The following USP24 variants were observed in gnomAD, a reference collection of about 807,000 sequenced individuals.
The protein encoded by USP24 is ubiquitin specific peptidase 24, also known as ubiquitin carboxyl-terminal hydrolase 24.
Under a neutral mutation model 361.6 loss-of-function variants are expected in USP24, and 97 were observed. That is an observed-to-expected ratio of 0.27 (90% CI 0.23 to 0.32). The LOEUF is 0.32. Ranked by LOEUF, USP24 falls within the 10% of genes least tolerant of loss-of-function variation. The probability of loss-of-function intolerance (pLI) is 1.00; values close to 1 mark genes in which losing one functional copy is unlikely to be tolerated. For synonymous variants in USP24, 1,098 were observed against 1,124.6 expected (o/e 0.98, Z 0.47); for missense variants, 2,353 against 3,165.6 (o/e 0.74, Z 6.16).
intron 1 of USP24, among the ~76,000 whole-genome samples, chr1:55,214,241 C>G (rs1238934233): frequency 6.6e-6 from 1 of 151,944 alleles, no homozygotes; most frequent in Non-Finnish European, 1.5e-5. Flanking sequence ...CAACCTCACT[C>G]CTAACCCCAA....
At chr1:55,195,815 T>C (rs1286858488) in intron 1 of USP24, among the ~76,000 whole-genome samples, 1 of 152,168 alleles carries the variant, frequency 6.6e-6, no homozygotes, top group Admixed American at 6.5e-5. Context: ...AAGGTTGTTG[T>C]TTAACAGGTA....
chr1:55,096,404 A>T, intron 50 of USP24, 94 bp downstream of exon 50: 1 of 1,072,680 alleles, frequency 9.3e-7, no homozygotes, highest in Non-Finnish European at 1.2e-6. Context: ...AAATAACAAA[A>T]TCTGTTGTGT....
Position 55,096,503 on chromosome 1 carries a change from T to C in USP24, c.6056A>G (p.Asp2019Gly). 6.3e-7 allele frequency: 1 copy of C among 1,575,802 alleles called. No individual in the cohort carries two copies. Among genetic ancestry groups the C allele is most frequent in the Non-Finnish European group, 8.6e-7 (1 of 1,165,220 alleles). The change falls in exon 50 of 68, where the codon GAT (aspartate) becomes GGT (glycine). Residue 2019 changes from aspartate (D) to glycine (G), a missense_variant. Asp to Gly is a moderately conservative substitution (Grantham distance 94). Transcript: ENST00000294383. ...ATCCATTTGTAAATACTTACTTTGA[T>C]CATAAACTTTTGGTCTATATTCTCC... ...FGGEYRPKVY[D>G]QTNPYTDVRR...
intron 47 of USP24, 32 bp from the exon 48 acceptor site, chr1:55,097,749 C>T: frequency 6.6e-7 from 1 of 1,522,446 alleles, no homozygotes; most frequent in Non-Finnish European, 8.8e-7. Flanking sequence ...AAGAGCAAAT[C>T]TGAATGATCT....
At chr1:55,130,390 T>C (rs1393350518) in intron 31 of USP24, among the ~76,000 whole-genome samples, 1 of 152,200 alleles carries the variant, frequency 6.6e-6, no homozygotes, top group Non-Finnish European at 1.5e-5. Context: ...AGGTGCTTAG[T>C]ATAAGCATCA....
At chr1:55,141,047 GT>G (rs747826321) in intron 24 of USP24, among the ~76,000 whole-genome samples, 32 of 152,082 alleles carry the variant, frequency 2.1e-4, no homozygotes, top group Non-Finnish European at 4.4e-4. Context: ...TGGGGATAAA[GT>G]TCTCACTAAA....
chr1:55,111,339 T>C (rs936773435), intron 38 of USP24, among the ~76,000 whole-genome samples: 72 of 152,222 alleles, frequency 4.7e-4, no homozygotes, highest in African/African-American at 1.6e-3. Flanking sequence ...ATGTTAAAAC[T>C]CTCGTCTAAT....
intron 7 of USP24, among the ~76,000 whole-genome samples, chr1:55,164,801 T>TA (rs1397594961): frequency 6.6e-6 from 1 of 151,932 alleles, no homozygotes; most frequent in Non-Finnish European, 1.5e-5. Context: ...GAGTGCTCTG[T>TA]ATTTTTTTTT....
At chr1:55,079,007 C>A (rs922456653) in intron 60 of USP24, among the ~76,000 whole-genome samples, 21 of 138,806 alleles carry the variant, frequency 1.5e-4, no homozygotes, top group Admixed American at 6.4e-4. Flanking sequence ...AAAAAAAAAA[C>A]CAGAATTATA....
At chr1:55,076,980 C>T (rs1179234528) in intron 62 of USP24, among the ~76,000 whole-genome samples, 1 of 152,188 alleles carries the variant, frequency 6.6e-6, no homozygotes, top group East Asian at 1.9e-4. Flanking sequence ...CACTCCCCTT[C>T]AGTCCCCTGC....
chr1:55,090,719 C>T (rs759194912), intron 54 of USP24, among the ~76,000 whole-genome samples: 3 of 152,202 alleles, frequency 2.0e-5, no homozygotes, highest in Admixed American at 6.5e-5. Context: ...ATTCTTCACT[C>T]ATTTATTCAC....
At position 55,157,068 on chromosome 1, in the gene USP24, G is replaced by A. The variant is rs1195541323; in HGVS notation, c.1343-17C>T. On this transcript the variant is annotated splice_polypyrimidine_tract_variant and intron_variant, in intron 11 of 67. Transcript: ENST00000294383. ...CTATGTTGCCTAATTGAAGAAACAT[G>A]AGAGAGAAAGTCAGATATAGTGAAC... The A allele has an allele frequency of 1.1e-5, 17 of 1,592,174 alleles. No individual in the cohort carries two copies. The South Asian group carries it at 1.9e-4, about 18-fold the overall frequency.
intron 39 of USP24, among the ~76,000 whole-genome samples, chr1:55,109,891 C>T (rs975176531): frequency 5.9e-5 from 9 of 152,052 alleles, no homozygotes; most frequent in Non-Finnish European, 1.2e-4. Context: ...CAGACTACAC[C>T]GGAGAGAAAG....
At chr1:55,106,286 T>C (rs756807459) in intron 40 of USP24, 23 bp from the exon 41 acceptor site, 2 of 1,536,768 alleles carry the variant, frequency 1.3e-6, no homozygotes, top group East Asian at 2.3e-5. Context: ...ATAATATTCA[T>C]GTTGAAGATG....
intron 20 of USP24, among the ~76,000 whole-genome samples, chr1:55,145,393 C>A (rs537528753): frequency 6.6e-6 from 1 of 152,262 alleles, no homozygotes; most frequent in Non-Finnish European, 1.5e-5. Context: ...TGCCTTAGTA[C>A]AATGAAAGAA....
At chr1:55,147,221 A>G (rs1647051862) in intron 18 of USP24, among the ~76,000 whole-genome samples, 161 bp from the exon 19 acceptor site, 1 of 152,254 alleles carries the variant, frequency 6.6e-6, no homozygotes, top group South Asian at 2.1e-4. Flanking sequence ...ACAAATTGAT[A>G]GTACAATGTA....
At chr1:55,110,445 G>A (rs571224418) in intron 38 of USP24, among the ~76,000 whole-genome samples, 199 bp from the exon 39 acceptor site, 3 of 152,198 alleles carry the variant, frequency 2.0e-5, no homozygotes, top group Non-Finnish European at 2.9e-5. Flanking sequence ...CAGAAATAAC[G>A]GTGTAAAGAG....
chr1:55,166,964 G>A, intron 5 of USP24, among the ~76,000 whole-genome samples: 1 of 152,162 alleles, frequency 6.6e-6, no homozygotes, highest in Non-Finnish European at 1.5e-5. Context: ...CAGTAAATCA[G>A]CAGAGATTAA....
At chr1:55,214,635 G>T (rs1644937705) in intron 1 of USP24, among the ~76,000 whole-genome samples, 155 bp downstream of exon 1, 2 of 151,934 alleles carry the variant, frequency 1.3e-5, no homozygotes, top group Non-Finnish European at 2.9e-5. Flanking sequence ...GTTCCCAACT[G>T]GAGCCTGGGG....
Sources: gnomAD v4.1 joint callset for allele counts (sites outside exome capture counted in the v4.1 genomes callset) on GRCh38, gnomAD v4.1.1 for gene constraint, MANE v1.5 for transcripts, NCBI Gene and HGNC (gene_info 2026-07-23, HGNC 2026-07-21) for gene names.